Variants in STK39 observed in about 807,000 individuals in gnomAD.
STK39 encodes the protein STE20/SPS1-related proline-alanine-rich protein kinase.
Under a neutral mutation model 77.8 loss-of-function variants are expected in STK39, and 20 were observed. The ratio of observed to expected loss-of-function variants is 0.26; its 90% confidence interval spans 0.18 to 0.37. The LOEUF is 0.37. Among genes scored for constraint, STK39 ranks in the 10% least tolerant of loss-of-function variants. The pLI, the probability that STK39 is intolerant of heterozygous loss-of-function variation, is 1.00. For missense variants in STK39, 479 were observed against 656.5 expected (o/e 0.73, Z 2.95); for synonymous variants, 246 against 234.1 (o/e 1.05, Z -0.47).
In STK39 at chr2:168,247,570, C is replaced by G; in HGVS notation, c.-135G>C. 2 of 718,500 alleles carry G rather than the reference C, an allele frequency of 2.8e-6. No homozygotes were observed. Among genetic ancestry groups the G allele is most frequent in the East Asian group, 1.5e-4 (2 of 13,754 alleles). The allele number at this position is 718,500 out of a possible 1,614,324, so 44.5% of individuals were successfully genotyped here. ...CCGCCGCCGCCGCCGCCGTCCCCGCCGAAGCCAGCTAGGAGGGGAGGGAGC... is the reference window on the plus strand; with the variant it reads ...CCGCCGCCGCCGCCGCCGTCCCCGCGGAAGCCAGCTAGGAGGGGAGGGAGC... On this transcript the variant is annotated 5_prime_UTR_variant, in exon 1 of 18. Transcript: ENST00000355999.
At chr2:168,039,013 A>T (rs765918932) in intron 14 of STK39, among the ~76,000 whole-genome samples, 263 of 152,160 alleles carry the variant, frequency 1.7e-3, no homozygotes, top group Non-Finnish European at 2.6e-3. Context: ...CTACCACCTA[A>T]CCCAGCCATT....
At chr2:168,041,266 T>C (rs1267334265) in intron 14 of STK39, among the ~76,000 whole-genome samples, 3 of 150,230 alleles carry the variant, frequency 2.0e-5, no homozygotes, top group African/African-American at 7.3e-5. Flanking sequence ...ATTAATAATA[T>C]TATTCTATTT....
chr2:168,158,245 A>G (rs950766069), intron 5 of STK39, among the ~76,000 whole-genome samples: 2 of 152,228 alleles, frequency 1.3e-5, no homozygotes, highest in African/African-American at 4.8e-5. Context: ...TAAGCATAGA[A>G]GGTACAGTAA....
chr2:168,198,235 A>C (rs1229767207), intron 1 of STK39, among the ~76,000 whole-genome samples: 1 of 152,152 alleles, frequency 6.6e-6, no homozygotes, highest in Non-Finnish European at 1.5e-5. Context: ...ATTGTCACTG[A>C]GAATTAGATC....
intron 17 of STK39, 86 bp downstream of exon 17, chr2:167,964,576 G>T (rs111431941): frequency 8.2e-7 from 1 of 1,226,928 alleles, no homozygotes; most frequent in Non-Finnish European, 1.2e-6. Flanking sequence ...CAAAATTACA[G>T]AGTAGGTTAT....
At chr2:168,197,675 G>A (rs911218475) in intron 1 of STK39, among the ~76,000 whole-genome samples, 2 of 152,162 alleles carry the variant, frequency 1.3e-5, no homozygotes, top group African/African-American at 4.8e-5. Flanking sequence ...GTATTTGTAG[G>A]TATTCTTTCC....
At chr2:167,996,626 T>C (rs910940517) in intron 16 of STK39, among the ~76,000 whole-genome samples, 26 of 152,294 alleles carry the variant, frequency 1.7e-4, no homozygotes, top group Admixed American at 4.6e-4. Context: ...TCTGTAGAAA[T>C]AGAAGGCTTA....
chr2:167,986,381 G>T (rs895149043), intron 16 of STK39, among the ~76,000 whole-genome samples: 4 of 152,058 alleles, frequency 2.6e-5, no homozygotes, highest in Admixed American at 6.6e-5. Context: ...TTTTTGCTTT[G>T]GTCCTTGCAA....
At chr2:168,016,412 A>AAAC (rs1553514340) in intron 15 of STK39, among the ~76,000 whole-genome samples, 1 of 146,518 alleles carries the variant, frequency 6.8e-6, no homozygotes, top group Non-Finnish European at 1.5e-5. Flanking sequence ...AAAAAAAAAA[A>AAAC]ACAACACTAC....
At chr2:168,099,854 C>T (rs2105448546) in intron 10 of STK39, among the ~76,000 whole-genome samples, 1 of 152,244 alleles carries the variant, frequency 6.6e-6, no homozygotes, top group East Asian at 1.9e-4. Flanking sequence ...CCAAATTTCA[C>T]TTCATAGCAA....
At chr2:168,024,864 C>T (rs1399524862) in intron 14 of STK39, among the ~76,000 whole-genome samples, 1 of 152,124 alleles carries the variant, frequency 6.6e-6, no homozygotes, top group African/African-American at 2.4e-5. Context: ...AGAATAGATC[C>T]AAAATCACAG....
chr2:168,231,653 G>C (rs1254960779), intron 1 of STK39, among the ~76,000 whole-genome samples: 1 of 152,008 alleles, frequency 6.6e-6, no homozygotes, highest in African/African-American at 2.4e-5. Context: ...ATGGAGAACA[G>C]ATCTTTGCTT....
intron 5 of STK39, among the ~76,000 whole-genome samples, chr2:168,155,563 C>CT (rs148852067): frequency 0.21 from 31,089 of 151,100 alleles, 4,536 homozygotes; most frequent in African/African-American, 0.41. Context: ...GCACTTGCAC[C>CT]CCCCCCACCC....
chr2:168,060,590 T>G (rs1685639786), intron 14 of STK39, among the ~76,000 whole-genome samples: 1 of 152,230 alleles, frequency 6.6e-6, no homozygotes, highest in African/African-American at 2.4e-5. Flanking sequence ...TAGACAAATG[T>G]ACCAACAATT....
chr2:168,122,988 G>A (rs1687447452), intron 10 of STK39, among the ~76,000 whole-genome samples: 1 of 152,190 alleles, frequency 6.6e-6, no homozygotes, highest in Non-Finnish European at 1.5e-5. Flanking sequence ...CCCACCTTAT[G>A]CATATGATCA....
At chr2:168,088,845 CCT>C (rs1319088783) in intron 10 of STK39, among the ~76,000 whole-genome samples, 1 of 152,082 alleles carries the variant, frequency 6.6e-6, no homozygotes, top group African/African-American at 2.4e-5. Context: ...AATAAATAAC[CCT>C]CTCTCCTCCT....
chr2:168,173,082 G>A (rs918738514), intron 2 of STK39, among the ~76,000 whole-genome samples: 5 of 152,140 alleles, frequency 3.3e-5, no homozygotes, highest in South Asian at 2.1e-4. Context: ...GCTAAGTGCT[G>A]AAATGTATTT....
At chr2:167,957,411 T>C (rs925718920) in intron 17 of STK39, among the ~76,000 whole-genome samples, 4 of 152,322 alleles carry the variant, frequency 2.6e-5, no homozygotes, top group East Asian at 1.9e-4. Context: ...ATAGAGGGCA[T>C]TTTGGCTGAG....
At chr2:168,163,686 A>C (rs1208321940) in intron 4 of STK39, 53 bp downstream of exon 4, 1 of 1,609,904 alleles carries the variant, frequency 6.2e-7, no homozygotes, top group Non-Finnish European at 8.5e-7. Flanking sequence ...AGCCTTCCAA[A>C]ACCTCTTTAA....
Sources: allele counts gnomAD v4.1 joint callset (sites outside exome capture counted in the v4.1 genomes callset), GRCh38; gene constraint gnomAD v4.1.1; transcripts MANE v1.5; gene names NCBI Gene and HGNC (gene_info 2026-07-23, HGNC 2026-07-21).